The following LTBP1 variants were observed in gnomAD, a reference collection of about 807,000 sequenced individuals.
The protein encoded by LTBP1 is latent-transforming growth factor beta-binding protein 1.
In LTBP1, 129 loss-of-function variants were observed where a neutral mutation model predicts 207.6. The observed-to-expected ratio is 0.62, with a 90% CI of 0.54 to 0.72. LTBP1 has a LOEUF of 0.72. Among genes scored for constraint, LTBP1 ranks in the 30% least tolerant of loss-of-function variants. The pLI, the probability that LTBP1 is intolerant of heterozygous loss-of-function variation, is 0.00. For missense variants in LTBP1, 2,281 were observed against 2,217.2 expected, an observed-to-expected ratio of 1.03 and a Z score of -0.58; for synonymous variants, 963 against 833.7, an observed-to-expected ratio of 1.16 and a Z score of -2.67.
chr2:33,111,967 T>C (rs1052656860), intron 4 of LTBP1, among the ~76,000 whole-genome samples: 1 of 152,236 alleles, frequency 6.6e-6, no homozygotes, highest in African/African-American at 2.4e-5. Context: ...GAGCCGTTTC[T>C]CTTAAGTGAA....
At chr2:33,209,913 T>A (rs1015076251) in intron 7 of LTBP1, among the ~76,000 whole-genome samples, 10 of 152,226 alleles carry the variant, frequency 6.6e-5, no homozygotes, top group Admixed American at 1.3e-4. Flanking sequence ...CGGATGTCTC[T>A]AGTGCCATTT....
intron 15 of LTBP1, among the ~76,000 whole-genome samples, chr2:33,272,605 A>T (rs907759320): frequency 1.3e-5 from 2 of 152,202 alleles, no homozygotes; most frequent in Non-Finnish European, 2.9e-5. Context: ...TTTCATTCTC[A>T]TACTTTGAAG....
chr2:33,303,704 G>C lies in LTBP1; in HGVS notation c.3481+2060G>C, dbSNP rs2094034674. Among the ~76,000 whole-genome samples the C allele has an allele frequency of 1.3e-5, 2 of 152,108 alleles. 1 individual carries two copies. The highest frequency in any genetic ancestry group is 3.9e-4 in the East Asian group (2 of 5,184). On this transcript the variant is annotated intron_variant, in intron 22 of 33. Transcript: ENST00000404816. ...GCAACCTAGATCCCTCACATGCGCT[G>C]TTCACAAGAGGGTTCGCCCTCCTAT...
Position 33,049,663 on chromosome 2 carries a change from A to G in LTBP1, c.863+28457A>G, listed in dbSNP as rs1036758674. ...TTTTATCTCAGCCTTCCAAATTTCT[A>G]TTTTTGAGTATGTTTTGTGATGTAC... On this transcript the variant is annotated intron_variant, in intron 3 of 33. Transcript: ENST00000404816. Among the ~76,000 whole-genome samples the G allele has an allele frequency of 2.6e-5, 4 of 152,122 alleles. No individual in the cohort carries two copies. In the South Asian group the frequency reaches 6.2e-4, roughly 24 times the overall value.
chr2:33,204,068 AT>A (rs1422783145), intron 7 of LTBP1, among the ~76,000 whole-genome samples: 4 of 152,222 alleles, frequency 2.6e-5, no homozygotes, highest in Non-Finnish European at 5.9e-5. Flanking sequence ...TACTAAAAAA[AT>A]CAGTCCTCTG....
At chr2:33,371,043 T>C (rs189415027) in intron 31 of LTBP1, among the ~76,000 whole-genome samples, 3 of 152,312 alleles carry the variant, frequency 2.0e-5, no homozygotes, top group Non-Finnish European at 4.4e-5. Flanking sequence ...TGAAGTTAGA[T>C]GGCATCTTGC....
intron 22 of LTBP1, among the ~76,000 whole-genome samples, chr2:33,302,592 A>T (rs1359617455): frequency 6.6e-6 from 1 of 152,136 alleles, no homozygotes. Flanking sequence ...TGAGCCCCAT[A>T]TCCTCCTGCT....
At chr2:33,228,792 T>C (rs893708684) in intron 9 of LTBP1, among the ~76,000 whole-genome samples, 2 of 145,976 alleles carry the variant, frequency 1.4e-5, no homozygotes, top group East Asian at 2.1e-4. Context: ...CTCCGCCTCC[T>C]GGGTTCAAGC....
chr2:33,071,707 G>A (rs368858), intron 3 of LTBP1, among the ~76,000 whole-genome samples: 80,058 of 151,954 alleles, frequency 0.53, 22,089 homozygotes, highest in East Asian at 0.64. Flanking sequence ...GCAGATAGTA[G>A]TTACAGGCTG....
intron 15 of LTBP1, among the ~76,000 whole-genome samples, chr2:33,270,589 C>CAAAA (rs397961095): frequency 8.0e-4 from 60 of 75,050 alleles, no homozygotes; most frequent in Middle Eastern, 6.7e-3. Context: ...GACTCCGTCT[C>CAAAA]AAAAAAAAAA....
chr2:33,136,800 C>G (rs1233367630), intron 5 of LTBP1, among the ~76,000 whole-genome samples: 3 of 152,096 alleles, frequency 2.0e-5, no homozygotes, highest in Admixed American at 6.5e-5. Flanking sequence ...TGGCACTGAA[C>G]CAGATGTTTA....
At chr2:33,365,641 G>GTT (rs1212286346) in intron 31 of LTBP1, 138 bp downstream of exon 31, 19 of 795,126 alleles carry the variant, frequency 2.4e-5, no homozygotes, top group Non-Finnish European at 3.5e-5. Flanking sequence ...GTGTGTGTGT[G>GTT]TGTGTGTGTA....
intron 9 of LTBP1, among the ~76,000 whole-genome samples, chr2:33,241,486 A>G (rs1205642496): frequency 1.3e-5 from 2 of 152,220 alleles, no homozygotes; most frequent in African/African-American, 4.8e-5. Flanking sequence ...TCAGGTATTT[A>G]TGAGTCTGGG....
chr2:33,074,255 C>T (rs892734796), intron 3 of LTBP1, among the ~76,000 whole-genome samples: 5 of 152,208 alleles, frequency 3.3e-5, no homozygotes, highest in African/African-American at 4.8e-5. Context: ...AGCTGCAAAC[C>T]GGGGCTGATC....
At chr2:33,335,877 C>G (rs1205690124) in intron 24 of LTBP1, among the ~76,000 whole-genome samples, 1 of 152,090 alleles carries the variant, frequency 6.6e-6, no homozygotes, top group African/African-American at 2.4e-5. Flanking sequence ...AATACTTAAC[C>G]AATCTCAGTT....
chr2:33,196,832 C>T (rs9308932), intron 7 of LTBP1, among the ~76,000 whole-genome samples: 7 of 151,924 alleles, frequency 4.6e-5, no homozygotes, highest in South Asian at 4.1e-4. Flanking sequence ...AGGGTGTTTT[C>T]GAGATGGAAT....
At chr2:33,209,830 G>C (rs1328169908) in intron 7 of LTBP1, among the ~76,000 whole-genome samples, 1 of 152,162 alleles carries the variant, frequency 6.6e-6, no homozygotes, top group African/African-American at 2.4e-5. Context: ...AGTGGGGCTT[G>C]GCCATATGGC....
intron 3 of LTBP1, among the ~76,000 whole-genome samples, chr2:33,049,535 A>T (rs2076619744): frequency 6.6e-6 from 1 of 152,200 alleles, no homozygotes; most frequent in South Asian, 2.1e-4. Context: ...AACCAAGATT[A>T]AAAAAATGAA....
chr2:33,332,482 GTGTTAATTAA>G (rs1225094830), intron 24 of LTBP1, among the ~76,000 whole-genome samples: 3 of 150,448 alleles, frequency 2.0e-5, no homozygotes, highest in Non-Finnish European at 4.4e-5. Context: ...TTATCAACCA[GTGTTAATTAA>G]TGTTAATATT....
Sources: allele counts gnomAD v4.1 joint callset (sites outside exome capture counted in the v4.1 genomes callset), GRCh38; gene constraint gnomAD v4.1.1; transcripts MANE v1.5; gene names NCBI Gene and HGNC (gene_info 2026-07-23, HGNC 2026-07-21).